PACRG: variants seen among roughly 807,000 people sequenced by gnomAD.
The protein encoded by PACRG is parkin coregulated gene protein.
A neutral mutation model predicts 29.7 loss-of-function variants in PACRG; 29 were observed. The observed-to-expected ratio is 0.98, with a 90% CI of 0.73 to 1.33. The LOEUF is 1.33. Ranked by LOEUF, PACRG falls within the 40% of genes most tolerant of loss-of-function variation. The pLI, the probability that PACRG is intolerant of heterozygous loss-of-function variation, is 0.00. For missense variants in PACRG, 279 were observed against 316.2 expected, an observed-to-expected ratio of 0.88 and a Z score of 0.89; for synonymous variants, 116 against 118.7, an observed-to-expected ratio of 0.98 and a Z score of 0.15.
intron 1 of PACRG, among the ~76,000 whole-genome samples, chr6:162,738,138 G>T (rs1230619303): frequency 6.6e-6 from 1 of 152,098 alleles, no homozygotes; most frequent in African/African-American, 2.4e-5. Flanking sequence ...ATTCCTAGAG[G>T]CAAGCAGGAT....
intron 1 of PACRG, among the ~76,000 whole-genome samples, chr6:162,797,650 G>T (rs1015775362): frequency 6.6e-6 from 1 of 151,920 alleles, no homozygotes; most frequent in Admixed American, 6.6e-5. Flanking sequence ...AAAAATATTT[G>T]TTTTTTTCTC....
At chr6:162,948,009 A>G (rs551856719) in intron 2 of PACRG, among the ~76,000 whole-genome samples, 18 of 152,098 alleles carry the variant, frequency 1.2e-4, no homozygotes, top group African/African-American at 4.3e-4. Flanking sequence ...CCCTATCAAA[A>G]TACCAATGTC....
At chr6:163,232,411 T>C (rs994903521) in intron 4 of PACRG, among the ~76,000 whole-genome samples, 2 of 152,090 alleles carry the variant, frequency 1.3e-5, no homozygotes, top group African/African-American at 4.8e-5. Flanking sequence ...GCCCACACTT[T>C]GTCCACTTCT....
intron 4 of PACRG, among the ~76,000 whole-genome samples, chr6:163,277,008 G>A (rs1375279519): frequency 6.6e-6 from 1 of 152,014 alleles, no homozygotes; most frequent in Admixed American, 6.5e-5. Flanking sequence ...CAGTGTATTC[G>A]CTGTCCTCAG....
intron 2 of PACRG, among the ~76,000 whole-genome samples, chr6:162,914,903 G>A (rs533034263): frequency 6.6e-6 from 1 of 152,028 alleles, no homozygotes; most frequent in South Asian, 2.1e-4. Context: ...GCATCTTGCA[G>A]ATTATATATT....
intron 1 of PACRG, among the ~76,000 whole-genome samples, chr6:162,751,671 G>A (rs1781524755): frequency 6.6e-6 from 1 of 152,064 alleles, no homozygotes; most frequent in African/African-American, 2.4e-5. Context: ...ATTTTCTCTA[G>A]TCTAGGCCTA....
intron 4 of PACRG, among the ~76,000 whole-genome samples, chr6:163,208,523 G>A (rs2128153195): frequency 6.6e-6 from 1 of 152,176 alleles, no homozygotes; most frequent in Non-Finnish European, 1.5e-5. Context: ...ACAAATAAAT[G>A]TGCATTTTAT....
At chr6:162,859,981 A>T (rs892342404) in intron 2 of PACRG, among the ~76,000 whole-genome samples, 1 of 150,706 alleles carries the variant, frequency 6.6e-6, no homozygotes, top group Non-Finnish European at 1.5e-5. Context: ...TGGTGAGGAA[A>T]AGGTATTATT....
At chr6:163,000,892 G>A (rs909553513) in intron 2 of PACRG, among the ~76,000 whole-genome samples, 3 of 152,206 alleles carry the variant, frequency 2.0e-5, no homozygotes, top group South Asian at 4.1e-4. Context: ...GCCAAGGCAG[G>A]CCTGAATAGT....
intron 4 of PACRG, among the ~76,000 whole-genome samples, chr6:163,170,014 G>A (rs1275287665): frequency 6.6e-6 from 1 of 152,112 alleles, no homozygotes; most frequent in Non-Finnish European, 1.5e-5. Flanking sequence ...ATAAGGATTA[G>A]AGCCCACCCA....
chr6:162,956,513 A>G (rs376991690), intron 2 of PACRG, among the ~76,000 whole-genome samples: 17 of 152,194 alleles, frequency 1.1e-4, no homozygotes, highest in African/African-American at 3.6e-4. Flanking sequence ...AACAGCAGAA[A>G]TTGGCTGTCT....
At chr6:162,793,675 T>C (rs117224450) in intron 1 of PACRG, among the ~76,000 whole-genome samples, 2 of 152,350 alleles carry the variant, frequency 1.3e-5, no homozygotes, top group East Asian at 3.9e-4. Flanking sequence ...TGGGTGGCAA[T>C]GTGTCAGGCT....
chr6:162,806,611 G>C (rs957506112), intron 1 of PACRG, among the ~76,000 whole-genome samples: 8 of 152,054 alleles, frequency 5.3e-5, no homozygotes, highest in Admixed American at 4.6e-4. Flanking sequence ...TTTCTGAGCA[G>C]TAGATCTCAA....
At chr6:162,914,363 C>G (rs1796533849) in intron 2 of PACRG, among the ~76,000 whole-genome samples, 1 of 152,080 alleles carries the variant, frequency 6.6e-6, no homozygotes, top group South Asian at 2.1e-4. Flanking sequence ...TGACCGTATA[C>G]ATATGGAATA....
intron 2 of PACRG, among the ~76,000 whole-genome samples, chr6:162,934,790 T>C (rs1798116028): frequency 6.6e-6 from 1 of 152,252 alleles, no homozygotes; most frequent in Admixed American, 6.5e-5. Flanking sequence ...TATATTTTCA[T>C]GTGTTTTCAT....
At chr6:162,822,033 GT>G (rs1787888999) in intron 2 of PACRG, among the ~76,000 whole-genome samples, 1 of 152,064 alleles carries the variant, frequency 6.6e-6, no homozygotes, top group African/African-American at 2.4e-5. Flanking sequence ...ATGTATGTAT[GT>G]TTTTTATTTT....
intron 4 of PACRG, among the ~76,000 whole-genome samples, chr6:163,177,952 G>C (rs1345193182): frequency 6.6e-6 from 1 of 151,984 alleles, no homozygotes; most frequent in Non-Finnish European, 1.5e-5. Flanking sequence ...GCACAAATCT[G>C]CTCTGTCTTG....
At chr6:163,090,447 C>T (rs758446622) in intron 4 of PACRG, 4 of 152,144 alleles carry the variant, frequency 2.6e-5, no homozygotes, top group Non-Finnish European at 4.4e-5. Flanking sequence ...GGAGTGCTTG[C>T]AATGGTATTC....
At chr6:162,872,003 C>G (rs896469589) in intron 2 of PACRG, among the ~76,000 whole-genome samples, 4 of 152,050 alleles carry the variant, frequency 2.6e-5, no homozygotes, top group Non-Finnish European at 4.4e-5. Context: ...CTTCCAAACA[C>G]TGTAAGATAT....
Sources: gnomAD v4.1 joint callset for allele counts (sites outside exome capture counted in the v4.1 genomes callset) on GRCh38, gnomAD v4.1.1 for gene constraint, MANE v1.5 for transcripts, NCBI Gene and HGNC (gene_info 2026-07-23, HGNC 2026-07-21) for gene names.